SGCD: variants seen among roughly 807,000 people sequenced by gnomAD.
SGCD encodes delta-sarcoglycan.
In SGCD, 18 loss-of-function variants were observed where a neutral mutation model predicts 36.6. That is an observed-to-expected ratio of 0.49 (90% confidence interval 0.34 to 0.73). SGCD has a LOEUF of 0.73. SGCD is among the 30% of genes least tolerant of loss of function. The probability of loss-of-function intolerance (pLI) is 0.01; values close to 1 mark genes in which losing one functional copy is unlikely to be tolerated. For missense variants in SGCD, 387 were observed against 346.7 expected (o/e 1.12, Z -0.92); for synonymous variants, 133 against 130.6 (o/e 1.02, Z -0.12).
chr5:156,433,508 C>G (rs190039658), intron 3 of SGCD, among the ~76,000 whole-genome samples: 232 of 152,278 alleles, frequency 1.5e-3, no homozygotes, highest in African/African-American at 5.4e-3. Context: ...CATTAGCAAG[C>G]CCCTGTCTCT....
intron 6 of SGCD, among the ~76,000 whole-genome samples, chr5:156,643,687 A>C (rs1763125771): frequency 6.6e-6 from 1 of 152,126 alleles, no homozygotes; most frequent in Admixed American, 6.6e-5. Flanking sequence ...TGGGTGTTTC[A>C]AGAAACAAAA....
At chr5:155,934,039 A>G (rs909671656) in intron 1 of SGCD, among the ~76,000 whole-genome samples, 4 of 152,208 alleles carry the variant, frequency 2.6e-5, no homozygotes, top group Non-Finnish European at 4.4e-5. Context: ...CTGTCTTTAC[A>G]TGGTACTCAT....
chr5:156,467,051 T>C (rs893622630), intron 3 of SGCD, among the ~76,000 whole-genome samples: 2 of 152,030 alleles, frequency 1.3e-5, no homozygotes, highest in African/African-American at 4.8e-5. Flanking sequence ...GGCCAGATGG[T>C]CTCTGTTGCA....
At chr5:156,128,884 A>C (rs1762244558) in intron 3 of SGCD, among the ~76,000 whole-genome samples, 1 of 152,236 alleles carries the variant, frequency 6.6e-6, no homozygotes, top group Admixed American at 6.5e-5. Flanking sequence ...CTATTCAACA[A>C]TAAAAAGACT....
chr5:156,595,018 G>GTGGT lies in SGCD; in HGVS notation c.470_473dup (p.Val159GlyfsTer5). 1.2e-6 allele frequency: 2 copies of GTGGT among 1,611,988 alleles called. No homozygotes were observed. The highest frequency in any genetic ancestry group is 1.7e-6 in the Non-Finnish European group (2 of 1,178,542). ...GCTCTTCTCTGCAGACAATAATGAA[G>GTGGT]TGGTAGTAGGAGCTGAAAGATTACG... On this transcript the variant is annotated frameshift_variant, in exon 6 of 9. Coordinates refer to ENST00000337851, the MANE Select transcript of SGCD (RefSeq NM_000337.6). LOFTEE classifies it high-confidence loss of function.
chr5:156,165,628 A>T (rs956438574), intron 3 of SGCD, among the ~76,000 whole-genome samples: 11 of 152,188 alleles, frequency 7.2e-5, no homozygotes, highest in African/African-American at 2.4e-4. Flanking sequence ...ATGAACTTGA[A>T]AGAGTGCTTC....
chr5:156,754,245 A>G (rs1399361477), intron 7 of SGCD, among the ~76,000 whole-genome samples: 1 of 152,238 alleles, frequency 6.6e-6, no homozygotes, highest in Admixed American at 6.5e-5. Flanking sequence ...CCAGTCCTGC[A>G]TCTGATAAAG....
intron 6 of SGCD, among the ~76,000 whole-genome samples, chr5:156,621,100 A>AT (rs1203444801): frequency 6.6e-6 from 1 of 152,174 alleles, no homozygotes; most frequent in East Asian, 1.9e-4. Flanking sequence ...ACAAATACTA[A>AT]TTGAGTTTTT....
At chr5:156,267,115 A>G (rs1766020396) in intron 3 of SGCD, among the ~76,000 whole-genome samples, 1 of 152,186 alleles carries the variant, frequency 6.6e-6, no homozygotes, top group Non-Finnish European at 1.5e-5. Flanking sequence ...CTCATTTGTA[A>G]GATGGGGGTA....
upstream of SGCD, among the ~76,000 whole-genome samples, chr5:156,323,906 A>C (rs1000236539): frequency 5.3e-5 from 8 of 152,342 alleles, no homozygotes; most frequent in Middle Eastern, 3.4e-3. Flanking sequence ...TATCGTATTA[A>C]ATACTAGCAG....
At chr5:156,678,354 A>G (rs1325391127) in intron 7 of SGCD, among the ~76,000 whole-genome samples, 1 of 152,238 alleles carries the variant, frequency 6.6e-6, no homozygotes, top group East Asian at 1.9e-4. Flanking sequence ...CAATGATTGC[A>G]GCAGTTATTG....
chr5:155,859,400 CATTAAA>C, the SGCD span, among the ~76,000 whole-genome samples: 6 of 152,192 alleles, frequency 3.9e-5, no homozygotes, highest in East Asian at 1.2e-3. Context: ...GATTTACACA[CATTAAA>C]ATTGACCAAT....
At chr5:156,580,861 G>A (rs550998129) in intron 4 of SGCD, among the ~76,000 whole-genome samples, 33 of 152,190 alleles carry the variant, frequency 2.2e-4, no homozygotes, top group African/African-American at 7.5e-4. Flanking sequence ...CCTATAGCTC[G>A]GAGATGTTTG....
chr5:155,989,016 C>T (rs916976538), intron 1 of SGCD, among the ~76,000 whole-genome samples: 4 of 152,274 alleles, frequency 2.6e-5, no homozygotes, highest in African/African-American at 9.6e-5. Flanking sequence ...AGTATTTACC[C>T]ATTGACTGTC....
At chr5:156,430,966 G>C (rs566535512) in intron 3 of SGCD, among the ~76,000 whole-genome samples, 3 of 152,282 alleles carry the variant, frequency 2.0e-5, no homozygotes, top group African/African-American at 7.2e-5. Context: ...CAGGCCAATG[G>C]GAGAGGTATC....
intron 6 of SGCD, among the ~76,000 whole-genome samples, chr5:156,645,185 G>C (rs1465121127): frequency 1.3e-5 from 2 of 152,114 alleles, no homozygotes; most frequent in Non-Finnish European, 2.9e-5. Flanking sequence ...CACTCAAACT[G>C]TTTATGAACA....
chr5:156,638,235 G>A (rs1427486750), intron 6 of SGCD, among the ~76,000 whole-genome samples: 2 of 151,972 alleles, frequency 1.3e-5, no homozygotes, highest in Non-Finnish European at 2.9e-5. Context: ...TGAGGACACA[G>A]CGTATCATGG....
At chr5:155,737,871 G>A in the SGCD span, among the ~76,000 whole-genome samples, 2 of 152,142 alleles carry the variant, frequency 1.3e-5, no homozygotes, top group African/African-American at 4.8e-5. Context: ...AGGTTAATTT[G>A]CCATATATGG....
intron 1 of SGCD, among the ~76,000 whole-genome samples, chr5:155,883,981 G>A (rs556491794): frequency 6.6e-6 from 1 of 152,056 alleles, no homozygotes; most frequent in South Asian, 2.1e-4. Flanking sequence ...CAGATTCAGA[G>A]CTCTCTCCAA....
Sources: allele counts gnomAD v4.1 joint callset (sites outside exome capture counted in the v4.1 genomes callset), GRCh38; gene constraint gnomAD v4.1.1; transcripts MANE v1.5; gene names NCBI Gene and HGNC (gene_info 2026-07-23, HGNC 2026-07-21).